Variants in PKN2 observed in about 807,000 individuals in gnomAD.
The protein encoded by PKN2 is protein kinase N2.
A neutral mutation model predicts 119.1 loss-of-function variants in PKN2; 38 were observed. The ratio of observed to expected loss-of-function variants is 0.32; its 90% CI spans 0.25 to 0.42. The LOEUF (loss-of-function observed/expected upper bound fraction) is 0.42, where lower values mean the gene tolerates loss of function less well. Among genes scored for constraint, PKN2 ranks in the 10% least tolerant of loss-of-function variants. The probability of loss-of-function intolerance (pLI) is 1.00; values close to 1 mark genes in which losing one functional copy is unlikely to be tolerated. For synonymous variants in PKN2, 390 were observed against 384.9 expected (o/e 1.01, Z -0.15); for missense variants, 850 against 1,165.1 (o/e 0.73, Z 3.94).
chr1:88,781,112 T>G, intron 6 of PKN2: 2 of 1,256,564 alleles, frequency 1.6e-6, no homozygotes, highest in Non-Finnish European at 1.0e-6. Context: ...GAAATACTAC[T>G]GACATTAATA....
At chr1:88,827,181 A>G (rs1672531215) in intron 18 of PKN2, among the ~76,000 whole-genome samples, 2 of 152,136 alleles carry the variant, frequency 1.3e-5, no homozygotes, top group East Asian at 3.9e-4. Flanking sequence ...TAGAGATAAT[A>G]TCTTCAATAT....
chr1:88,748,145 A>G (rs887840678), intron 2 of PKN2, among the ~76,000 whole-genome samples: 6 of 152,130 alleles, frequency 3.9e-5, no homozygotes, highest in African/African-American at 1.4e-4. Context: ...TTTTTAGTAT[A>G]CCTTTCCATG....
intron 8 of PKN2, among the ~76,000 whole-genome samples, chr1:88,786,933 C>A (rs1670601375): frequency 6.9e-6 from 1 of 145,464 alleles, no homozygotes; most frequent in Non-Finnish European, 1.5e-5. Flanking sequence ...TTCTAAGCCT[C>A]TACTTTTAAA....
At chr1:88,759,726 A>G (rs1669361791) in intron 2 of PKN2, among the ~76,000 whole-genome samples, 1 of 152,146 alleles carries the variant, frequency 6.6e-6, no homozygotes, top group South Asian at 2.1e-4. Context: ...GCTTCAGAGA[A>G]TATTAGGAAC....
In PKN2 at chr1:88,805,491, C is replaced by T; in HGVS notation, c.1502-6C>T. The stretch of plus-strand genomic sequence containing the variant: ...TTGCTGTTTTTGTTTTTTTCAACAT[C>T]TACAGGCAAAACATTTCTCAGAGCT... On this transcript the variant is annotated splice_polypyrimidine_tract_variant and splice_region_variant and intron_variant, in intron 10 of 21. Transcript: ENST00000370521. The T allele has an allele frequency of 6.3e-7, 1 of 1,577,524 alleles. No individual in the cohort carries two copies. Among genetic ancestry groups the T allele is most frequent in the Non-Finnish European group, 8.6e-7 (1 of 1,159,532 alleles).
chr1:88,744,321 A>G (rs1365317599), intron 2 of PKN2, among the ~76,000 whole-genome samples: 2 of 152,232 alleles, frequency 1.3e-5, no homozygotes, highest in Non-Finnish European at 2.9e-5. Flanking sequence ...TCTTGTGGGT[A>G]CATAAGCTTA....
At chr1:88,704,601 T>G (rs1666899958) in intron 1 of PKN2, among the ~76,000 whole-genome samples, 1 of 152,132 alleles carries the variant, frequency 6.6e-6, no homozygotes, top group Admixed American at 6.6e-5. Context: ...CATTTTACTT[T>G]TCCACTAGTA....
At chr1:88,720,401 C>G (rs1396907530) in intron 1 of PKN2, among the ~76,000 whole-genome samples, 1 of 152,238 alleles carries the variant, frequency 6.6e-6, no homozygotes, top group East Asian at 1.9e-4. Flanking sequence ...TGCACTGAGT[C>G]TCTGCCTCTA....
At chr1:88,726,358 T>C (rs1667898131) in intron 1 of PKN2, among the ~76,000 whole-genome samples, 1 of 152,206 alleles carries the variant, frequency 6.6e-6, no homozygotes, top group African/African-American at 2.4e-5. Context: ...TTTTCTAGTT[T>C]GCTTGGAGTT....
chr1:88,760,304 A>G lies in PKN2; in HGVS notation c.432A>G (p.Gln144=), dbSNP rs755541710. 103 of 1,563,120 alleles carry G rather than the reference A, an allele frequency of 6.6e-5. No homozygotes were observed. The highest frequency in any genetic ancestry group is 9.0e-5 in the Non-Finnish European group (102 of 1,135,216). Residue 144 remains glutamine (Q), a synonymous_variant, in exon 3 of 22, where the codon CAA becomes CAG. Transcript: ENST00000370521. ...ATAGATTGAAGGCCTTACAAAAACA[A>G]TTGGATATAGAACTTAAAGTAAAAC... ...SNNRLKALQK[Q]LDIELKVKQG...
chr1:88,777,657 A>G (rs567591010), intron 6 of PKN2, among the ~76,000 whole-genome samples: 3 of 152,264 alleles, frequency 2.0e-5, no homozygotes, highest in African/African-American at 7.2e-5. Flanking sequence ...ACCAAAATAA[A>G]ATTCTAAGCC....
intron 9 of PKN2, 46 bp from the exon 10 acceptor site, chr1:88,804,800 A>C (rs765075934): frequency 8.5e-6 from 9 of 1,054,722 alleles, no homozygotes; most frequent in Non-Finnish European, 1.1e-5. Flanking sequence ...AGTAGATTTC[A>C]TGAACCATGC....
rs1665979513 is a variant in PKN2, at chr1:88,684,394, C to G, written c.-187C>G. On this transcript the variant is annotated 5_prime_UTR_variant, in exon 1 of 22. Coordinates refer to ENST00000370521, the MANE Select transcript of PKN2 (RefSeq NM_006256.4). Reference sequence around the variant, plus strand: ...AGCCCGCTACGAGTGCCCTAGCTCCCCGCCGCTCTCGATGAACCGGACGGA... The same window carrying G: ...AGCCCGCTACGAGTGCCCTAGCTCCGCGCCGCTCTCGATGAACCGGACGGA... 1 of 533,672 alleles carries G rather than the reference C, an allele frequency of 1.9e-6. No individual in the cohort carries two copies. Among genetic ancestry groups the G allele is most frequent in the African/African-American group, 2.0e-5 (1 of 49,680 alleles). The allele number at this position is 533,672 out of a possible 1,614,324, so 33.1% of individuals were successfully genotyped here. A position where few individuals can be genotyped will look rare whatever the true frequency, so the allele number is the denominator to read the frequency against.
Position 88,824,357 on chromosome 1 carries a change from A to C in PKN2, c.2390A>C (p.Lys797Thr). The C allele has an allele frequency of 6.2e-7, 1 of 1,601,398 alleles. No homozygotes were observed. The highest frequency in any genetic ancestry group is 8.6e-7 in the Non-Finnish European group (1 of 1,168,994). Residue 797 changes from lysine (K) to threonine (T), a missense_variant, in exon 18 of 22, where the codon AAA becomes ACA. Lys to Thr is a moderately conservative substitution (Grantham distance 78). Transcript: ENST00000370521. The stretch of plus-strand genomic sequence containing the variant: ...TTGCTAGATACAGAGGGCTTTGTGA[A>C]AATTGCTGATTTTGGTCTTTGCAAA... ...NLLLDTEGFV[K>T]IADFGLCKEG... is the part of the protein sequence containing the mutation.
chr1:88,819,067 C>T (rs1175131385), intron 16 of PKN2, among the ~76,000 whole-genome samples: 1 of 151,790 alleles, frequency 6.6e-6, no homozygotes, highest in Admixed American at 6.6e-5. Context: ...GACTCAAAAC[C>T]ATAAAAACCC....
At chr1:88,720,746 T>C (rs1314342768) in intron 1 of PKN2, among the ~76,000 whole-genome samples, 2 of 152,166 alleles carry the variant, frequency 1.3e-5, no homozygotes, top group Non-Finnish European at 2.9e-5. Flanking sequence ...GTGTACACTG[T>C]ACCCAGTGTA....
chr1:88,710,429 A>C (rs1280996163), intron 1 of PKN2, among the ~76,000 whole-genome samples: 1 of 152,194 alleles, frequency 6.6e-6, no homozygotes, highest in African/African-American at 2.4e-5. Flanking sequence ...TTACATGTAA[A>C]AGCTATCATA....
intron 17 of PKN2, 80 bp downstream of exon 17, chr1:88,822,083 C>A: frequency 8.1e-7 from 1 of 1,240,630 alleles, no homozygotes; most frequent in Non-Finnish European, 1.1e-6. Context: ...TTTTCTTAAA[C>A]ATTTTATGTT....
chr1:88,704,774 G>C (rs1156821227), intron 1 of PKN2, among the ~76,000 whole-genome samples: 3 of 96,014 alleles, frequency 3.1e-5, no homozygotes, highest in African/African-American at 1.2e-4. Flanking sequence ...GCAAGACCCT[G>C]TCTCAAAAAA....
Sources: gnomAD v4.1 joint callset for allele counts (sites outside exome capture counted in the v4.1 genomes callset) on GRCh38, gnomAD v4.1.1 for gene constraint, MANE v1.5 for transcripts, NCBI Gene and HGNC (gene_info 2026-07-23, HGNC 2026-07-21) for gene names.